The following NTN4 variants were observed in gnomAD, a reference collection of about 807,000 sequenced individuals.
NTN4 encodes netrin 4.
Under a neutral mutation model 73.6 loss-of-function variants are expected in NTN4, and 32 were observed. That is an observed-to-expected ratio of 0.44 (90% CI 0.33 to 0.58). The LOEUF (loss-of-function observed/expected upper bound fraction) is 0.58. Ranked by LOEUF, NTN4 falls within the 20% of genes least tolerant of loss-of-function variation. NTN4 has a pLI of 0.04. For missense variants in NTN4, 654 were observed against 798.3 expected, an observed-to-expected ratio of 0.82 and a Z score of 2.18; for synonymous variants, 258 against 287.5, an observed-to-expected ratio of 0.90 and a Z score of 1.04.
intron 2 of NTN4, among the ~76,000 whole-genome samples, chr12:95,784,312 T>C (rs1450767704): frequency 1.3e-5 from 2 of 152,206 alleles, no homozygotes; most frequent in African/African-American, 2.4e-5. Flanking sequence ...GTCCTTGAGT[T>C]AGAGAAAGAC....
At chr12:95,698,669 G>A (rs2078459636) in intron 5 of NTN4, among the ~76,000 whole-genome samples, 1 of 152,042 alleles carries the variant, frequency 6.6e-6, no homozygotes, top group African/African-American at 2.4e-5. Flanking sequence ...GGGGAACATA[G>A]TGAGACCCTG....
intron 2 of NTN4, among the ~76,000 whole-genome samples, chr12:95,778,066 G>A (rs1420429529): frequency 1.3e-5 from 2 of 152,060 alleles, no homozygotes; most frequent in East Asian, 3.8e-4. Context: ...TGACTACTGG[G>A]TACATAACGA....
At chr12:95,739,342 C>T (rs1316345467) in intron 2 of NTN4, among the ~76,000 whole-genome samples, 2 of 152,106 alleles carry the variant, frequency 1.3e-5, no homozygotes, top group Non-Finnish European at 2.9e-5. Flanking sequence ...TATTTTTGAA[C>T]TTTTAAAGCT....
chr12:95,713,509 A>G (rs562700660), intron 3 of NTN4, among the ~76,000 whole-genome samples, 171 bp from the exon 4 acceptor site: 1 of 152,346 alleles, frequency 6.6e-6, no homozygotes, highest in South Asian at 2.1e-4. Flanking sequence ...TTGTCTTATC[A>G]TCTTTTGAAA....
chr12:95,753,581 A>G (rs1007620126), intron 2 of NTN4, among the ~76,000 whole-genome samples: 1 of 149,698 alleles, frequency 6.7e-6, no homozygotes, highest in African/African-American at 2.4e-5. Context: ...AGCCTTTATT[A>G]GTCAAATCAG....
rs545678779 is a variant in NTN4 at position 95,717,150 on chromosome 12, T to C, written c.865-3812A>G. Among the ~76,000 whole-genome samples the C allele has an allele frequency of 4.6e-5, 7 of 152,246 alleles. No individual in the cohort carries two copies. The South Asian group carries it at 8.3e-4, about 18-fold the overall frequency. ...TAGCAACCGTTTATTGAATACTGTA[T>C]GAAGCAAGATGCTGCAAAGTACTGT... is the stretch of plus-strand genomic sequence containing the variant. On this transcript the variant is annotated intron_variant, in intron 3 of 9. Coordinates refer to ENST00000343702, the MANE Select transcript of NTN4 (RefSeq NM_021229.4).
At chr12:95,731,833 T>C (rs2078739434) in intron 3 of NTN4, among the ~76,000 whole-genome samples, 1 of 152,174 alleles carries the variant, frequency 6.6e-6, no homozygotes, top group Non-Finnish European at 1.5e-5. Context: ...TAATTGTGGC[T>C]CTACCCTTCG....
At chr12:95,746,440 C>T (rs537752957) in intron 2 of NTN4, among the ~76,000 whole-genome samples, 30 of 152,184 alleles carry the variant, frequency 2.0e-4, no homozygotes, top group East Asian at 5.8e-4. Context: ...GCCCCTTCTT[C>T]GGGGCCGAGA....
Position 95,771,452 on chromosome 12 carries a change from A to T in NTN4, c.585+15487T>A, listed in dbSNP as rs564007913. Among the ~76,000 whole-genome samples the T allele has an allele frequency of 1.5e-4, 22 of 150,558 alleles. 1 individual carries two copies. The highest frequency in any genetic ancestry group is 2.3e-4 in the African/African-American group (9 of 39,968). On this transcript the variant is annotated intron_variant, in intron 2 of 9. Transcript: ENST00000343702. ...CTAATTAGAAGATGAATAAATTTTT[A>T]AAAAATTCTGCACACAAATTGAAAT...
At chr12:95,779,370 C>G (rs563333909) in intron 2 of NTN4, among the ~76,000 whole-genome samples, 1 of 152,340 alleles carries the variant, frequency 6.6e-6, no homozygotes, top group Non-Finnish European at 1.5e-5. Context: ...CAAATTGTCC[C>G]TGTTTGCAGA....
At chr12:95,736,598 C>G (rs1159599901) in intron 3 of NTN4, among the ~76,000 whole-genome samples, 3 of 152,160 alleles carry the variant, frequency 2.0e-5, no homozygotes, top group Non-Finnish European at 4.4e-5. Flanking sequence ...TACCTGAACC[C>G]AGTTAACTGA....
At chr12:95,743,891 C>T (rs770910093) in intron 2 of NTN4, among the ~76,000 whole-genome samples, 18 of 152,082 alleles carry the variant, frequency 1.2e-4, no homozygotes, top group Non-Finnish European at 1.8e-4. Flanking sequence ...GGTACATAAA[C>T]ATGGAGGATT....
At chr12:95,768,125 A>G (rs1297733120) in intron 2 of NTN4, among the ~76,000 whole-genome samples, 1 of 152,170 alleles carries the variant, frequency 6.6e-6, no homozygotes, top group African/African-American at 2.4e-5. Context: ...GCTATTGAAT[A>G]TGTCAGGCAG....
At chr12:95,696,259 T>G (rs1438784454) in intron 5 of NTN4, among the ~76,000 whole-genome samples, 2 of 152,158 alleles carry the variant, frequency 1.3e-5, no homozygotes, top group Non-Finnish European at 2.9e-5. Context: ...ACATATTTAC[T>G]TGGGTAAATT....
At chr12:95,776,362 C>T (rs558442267) in intron 2 of NTN4, among the ~76,000 whole-genome samples, 22 of 152,206 alleles carry the variant, frequency 1.4e-4, no homozygotes, top group Middle Eastern at 3.4e-3. Context: ...CAAACTTCTC[C>T]GAGCTAAAGG....
intron 2 of NTN4, among the ~76,000 whole-genome samples, chr12:95,755,811 C>T (rs557326606): frequency 6.6e-6 from 1 of 152,206 alleles, no homozygotes; most frequent in African/African-American, 2.4e-5. Flanking sequence ...TAAATATCTT[C>T]AGGGAAAAGG....
At chr12:95,777,791 G>GTT (rs1393644876) in intron 2 of NTN4, among the ~76,000 whole-genome samples, 2 of 152,116 alleles carry the variant, frequency 1.3e-5, no homozygotes, top group Non-Finnish European at 2.9e-5. Flanking sequence ...TCCAGGAATT[G>GTT]AACTCAGCTC....
At chr12:95,756,581 C>T (rs1045283821) in intron 2 of NTN4, among the ~76,000 whole-genome samples, 1 of 152,166 alleles carries the variant, frequency 6.6e-6, no homozygotes, top group African/African-American at 2.4e-5. Context: ...CTTCCCAATA[C>T]TGATCACCTC....
At chr12:95,740,537 C>T (rs139982899) in intron 2 of NTN4, among the ~76,000 whole-genome samples, 2 of 152,248 alleles carry the variant, frequency 1.3e-5, no homozygotes, top group African/African-American at 4.8e-5. Context: ...ATTTCTGGCT[C>T]GTTAGTGCTA....
Sources: allele counts gnomAD v4.1 joint callset (sites outside exome capture counted in the v4.1 genomes callset), GRCh38; gene constraint gnomAD v4.1.1; transcripts MANE v1.5; gene names NCBI Gene and HGNC (gene_info 2026-07-23, HGNC 2026-07-21).